Variants in HNF4A observed in about 807,000 individuals in gnomAD.
The protein encoded by HNF4A is hepatocyte nuclear factor 4-alpha.
In HNF4A, 15 loss-of-function variants were observed where a neutral mutation model predicts 52.4. The ratio of observed to expected loss-of-function variants is 0.29; its 90% CI spans 0.19 to 0.44. The LOEUF (loss-of-function observed/expected upper bound fraction) is 0.44. Among genes scored for constraint, HNF4A ranks in the 20% least tolerant of loss-of-function variants. HNF4A has a pLI of 1.00. For synonymous variants in HNF4A, 280 were observed against 264.4 expected, an observed-to-expected ratio of 1.06 and a Z score of -0.57; for missense variants, 479 against 647.2, an observed-to-expected ratio of 0.74 and a Z score of 2.82.
intron 1 of HNF4A, among the ~76,000 whole-genome samples, chr20:44,356,248 G>A (rs1266377909): frequency 6.6e-6 from 1 of 152,236 alleles, no homozygotes; most frequent in Non-Finnish European, 1.5e-5. Context: ...CGTTGCTGGT[G>A]CATTATCAAG....
At chr20:44,376,417 T>A (rs1007008135) in intron 1 of HNF4A, among the ~76,000 whole-genome samples, 1 of 152,228 alleles carries the variant, frequency 6.6e-6, no homozygotes, top group Non-Finnish European at 1.5e-5. Flanking sequence ...GACTTTTTTT[T>A]ATAATCTCAT....
chr20:44,360,795 C>T (rs1044688916), intron 1 of HNF4A, among the ~76,000 whole-genome samples: 13 of 152,174 alleles, frequency 8.5e-5, no homozygotes, highest in African/African-American at 2.9e-4. Context: ...AGGCCATTGT[C>T]GGAGACAGTT....
downstream of HNF4A, chr20:44,433,986 T>C (rs1167861919): frequency 6.6e-6 from 1 of 152,264 alleles, no homozygotes; most frequent in Non-Finnish European, 1.5e-5. Flanking sequence ...TCCGGGCTTT[T>C]GTTCCTGGAG....
Position 44,401,422 on chromosome 20 carries a change from C to T in HNF4A, c.50C>T (p.Ala17Val). ...GACATGGACATGGCCGACTACAGTG[C>T]TGCACTGGACCCAGCCTACACCACC... Residue 17 changes from alanine (A) to valine (V), a missense_variant, in exon 1 of 10, where the codon GCT (alanine) becomes GTT (valine). Physicochemically the swap from Ala to Val is moderately conservative, Grantham distance 64. Coordinates refer to ENST00000316099, the MANE Select transcript of HNF4A (RefSeq NM_000457.6). 1 of 1,614,212 alleles carries T rather than the reference C, an allele frequency of 6.2e-7. No homozygotes were observed. The highest frequency in any genetic ancestry group is 8.5e-7 in the Non-Finnish European group (1 of 1,180,030).
At chr20:44,356,472 C>T (rs1330468909) in intron 1 of HNF4A, among the ~76,000 whole-genome samples, 1 of 152,128 alleles carries the variant, frequency 6.6e-6, no homozygotes, top group African/African-American at 2.4e-5. Flanking sequence ...TTGGAAGCAA[C>T]CCAATGTCCC....
At chr20:44,385,845 C>T (rs1028299793) in intron 1 of HNF4A, among the ~76,000 whole-genome samples, 1 of 151,244 alleles carries the variant, frequency 6.6e-6, no homozygotes, top group Non-Finnish European at 1.5e-5. Flanking sequence ...GAGGTAGGAC[C>T]CCAGGCATCT....
chr20:44,411,859 C>T (rs2146401635), intron 3 of HNF4A, among the ~76,000 whole-genome samples: 1 of 151,400 alleles, frequency 6.6e-6, no homozygotes, highest in East Asian at 1.9e-4. Context: ...TTTTCGAGAC[C>T]AGCCTGGGCA....
At position 44,429,931 on chromosome 20, in the gene HNF4A, CT is replaced by C; in HGVS notation, c.*268del. On this transcript the variant is annotated 3_prime_UTR_variant, in exon 10 of 10. Coordinates refer to ENST00000316099, the MANE Select transcript of HNF4A (RefSeq NM_000457.6). ...CTCATGTTGAAGCCACTGCCTTCAC[CT>C]TCACCTTCATCCATGTCCAACCCCC... 2.0e-6 allele frequency: 1 copy of C among 509,926 alleles called. No homozygotes were observed. Among genetic ancestry groups the C allele is most frequent in the South Asian group, 2.5e-5 (1 of 40,030 alleles). The allele number at this position is 509,926 out of a possible 1,614,324, so 31.6% of individuals were successfully genotyped here. A position where few individuals can be genotyped will look rare whatever the true frequency, so the allele number is the denominator to read the frequency against.
At position 44,414,518 on chromosome 20, in the gene HNF4A, C is replaced by G. The variant is rs569395318; in HGVS notation, c.504C>G (p.Pro168=). Residue 168 remains proline, a synonymous_variant, in exon 5 of 10, where the codon CCC becomes CCG. Coordinates refer to ENST00000316099, the MANE Select transcript of HNF4A (RefSeq NM_000457.6). Reference sequence around the variant, plus strand: ...TGTATCTCTCGAAGATCACCTCCCCCGTCTCCGGGATCAACGGCGACATTC... The same window carrying G: ...TGTATCTCTCGAAGATCACCTCCCCGGTCTCCGGGATCAACGGCGACATTC... 5.6e-6 allele frequency: 9 copies of G among 1,614,236 alleles called. No individual in the cohort carries two copies. Among genetic ancestry groups the G allele is most frequent in the Non-Finnish European group, 7.6e-6 (9 of 1,180,038 alleles).
intron 1 of HNF4A, among the ~76,000 whole-genome samples, chr20:44,405,044 T>G (rs200720671): frequency 3.2e-4 from 15 of 47,094 alleles, no homozygotes; most frequent in South Asian, 6.8e-4. Flanking sequence ...GTGTGTGTGC[T>G]TGTGTGTGGA....
intron 8 of HNF4A, among the ~76,000 whole-genome samples, chr20:44,425,867 C>T (rs940712911): frequency 6.6e-6 from 1 of 152,000 alleles, no homozygotes; most frequent in Admixed American, 6.6e-5. Flanking sequence ...ACTATGTTGC[C>T]CAGGCTGGTC....
chr20:44,423,270 C>A (rs2063772262), intron 7 of HNF4A, among the ~76,000 whole-genome samples: 1 of 152,086 alleles, frequency 6.6e-6, no homozygotes, highest in Non-Finnish European at 1.5e-5. Context: ...GAGCCGAGAT[C>A]ACGCCACTGC....
rs1600753203 is a variant in HNF4A, at chr20:44,429,426, G to T, written c.1283-97G>T. 3.8e-6 allele frequency: 5 copies of T among 1,331,180 alleles called. No homozygotes were observed. The East Asian group carries it at 9.2e-5, about 25-fold the overall frequency. 82.5% of individuals were successfully genotyped at this position (1,331,180 alleles called of 1,614,324 possible). On this transcript the variant is annotated intron_variant, in intron 9 of 9. Coordinates refer to ENST00000316099, the MANE Select transcript of HNF4A (RefSeq NM_000457.6). Reference sequence around the variant, plus strand: ...AGAGGAAGAAATTAAGTCAAGGTGGGGCAGGGTGGGAGGGGAGAACTTTCC... The same window carrying T: ...AGAGGAAGAAATTAAGTCAAGGTGGTGCAGGGTGGGAGGGGAGAACTTTCC...
Position 44,371,363 on chromosome 20 carries a change from C to T in HNF4A, c.49+15510C>T, listed in dbSNP as rs143849180. 4.9e-3 allele frequency among the ~76,000 whole-genome samples: 745 copies of T among 152,282 alleles called. 7 individuals are homozygous for T. Among genetic ancestry groups the T allele is most frequent in the African/African-American group, 0.016 (672 of 41,578 alleles). On this transcript the variant is annotated intron_variant, in intron 1 of 9. Transcript: ENST00000316673. ...TTCGATCTGGGCTCACTGCAATCTC[C>T]GCCTCCCAGGTTCAAGTAATTCTCC...
rs1234460311 is a variant in HNF4A at position 44,413,803 on chromosome 20, A to G, written c.492+3A>G. On this transcript the variant is annotated splice_donor_region_variant and intron_variant, in intron 4 of 9. Coordinates refer to ENST00000316099, the MANE Select transcript of HNF4A (RefSeq NM_000457.6). ...AGGCGGAGGTCCTGTCCCGACAGGT[A>G]CCGGGGTGATCCTGCCACCCACCCA... The G allele has an allele frequency of 5.6e-6, 9 of 1,600,790 alleles. No homozygotes were observed. The highest frequency in any genetic ancestry group is 7.7e-6 in the Non-Finnish European group (9 of 1,169,494).
In HNF4A at chr20:44,401,491, GGTGGGGGCAGATGTGCCCAGGTGTGCCA is replaced by G; in HGVS notation, c.115+15_115+42del. The G allele has an allele frequency of 1.2e-6, 2 of 1,614,228 alleles. No homozygotes were observed. Among genetic ancestry groups the G allele is most frequent in the Non-Finnish European group, 1.7e-6 (2 of 1,180,038 alleles). The stretch of plus-strand genomic sequence containing the variant: ...CAGGTGTTGACGATGGGCAATGGTA[GGTGGGGGCAGATGTGCCCAGGTGTGCCA>G]GTGGGGGCAGGTGTGCCTGGGTCCA... On this transcript the variant is annotated splice_donor_5th_base_variant and intron_variant, in intron 1 of 9. Coordinates refer to ENST00000316099, the MANE Select transcript of HNF4A (RefSeq NM_000457.6).
chr20:44,397,030 A>T (rs747281753), upstream of HNF4A, among the ~76,000 whole-genome samples: 1 of 152,216 alleles, frequency 6.6e-6, no homozygotes, highest in South Asian at 2.1e-4. Context: ...CGAAATAAAA[A>T]CTTGCCTTGT....
intron 1 of HNF4A, chr20:44,391,452 G>T (rs978496376): frequency 1.3e-5 from 2 of 152,700 alleles, no homozygotes; most frequent in African/African-American, 4.8e-5. Flanking sequence ...TCCTGGGAAG[G>T]CCAGGCCTGC....
At chr20:44,376,842 T>C (rs2063090702) in intron 1 of HNF4A, among the ~76,000 whole-genome samples, 1 of 152,166 alleles carries the variant, frequency 6.6e-6, no homozygotes, top group Non-Finnish European at 1.5e-5. Flanking sequence ...CTTCCTTTTA[T>C]TACTCCTCAT....
Sources: allele counts gnomAD v4.1 joint callset (sites outside exome capture counted in the v4.1 genomes callset), GRCh38; gene constraint gnomAD v4.1.1; transcripts MANE v1.5; gene names NCBI Gene and HGNC (gene_info 2026-07-23, HGNC 2026-07-21).